TRPM8: variants seen among roughly 807,000 people sequenced by gnomAD.
TRPM8 encodes the protein TRPM8 cationic channel.
Under a neutral mutation model 133.7 loss-of-function variants are expected in TRPM8, and 110 were observed. The observed-to-expected ratio is 0.82, with a 90% CI of 0.70 to 0.96. The LOEUF is 0.96. Ranked by LOEUF, TRPM8 falls within the 40% of genes least tolerant of loss-of-function variation. The pLI, the probability that TRPM8 is intolerant of heterozygous loss-of-function variation, is 0.00. For missense variants in TRPM8, 1,291 were observed against 1,379.5 expected (o/e 0.94, Z 1.02); for synonymous variants, 535 against 532.3 (o/e 1.01, Z -0.07).
At chr2:234,007,975 T>C (rs777860930) in intron 23 of TRPM8, 95 bp from the exon 24 acceptor site, 173 of 1,180,008 alleles carry the variant, frequency 1.5e-4, no homozygotes, top group Non-Finnish European at 2.0e-4. Context: ...TTGTATTCTG[T>C]ACTTTAATTT....
intron 6 of TRPM8, among the ~76,000 whole-genome samples, chr2:233,945,346 A>G (rs1446478679): frequency 2.0e-5 from 3 of 152,094 alleles, no homozygotes; most frequent in South Asian, 2.1e-4. Context: ...TCCTGTTGCT[A>G]TGCGCTTCTC....
Position 234,018,879 on chromosome 2 carries a change from A to AATAAATAAAT in TRPM8, c.*1626_*1627insAATAAATATA, listed in dbSNP as rs1455395226. ...AAATAAATAAATAAATAAATAAATA[A>AATAAATAAAT]ATATTATGGATGGTGAAGGGAATGG... On this transcript the variant is annotated 3_prime_UTR_variant, in exon 26 of 26. Coordinates refer to ENST00000324695, the MANE Select transcript of TRPM8 (RefSeq NM_024080.5). 2 of 149,934 alleles carry AATAAATAAAT rather than the reference A, an allele frequency of 1.3e-5. No homozygotes were observed. Among genetic ancestry groups the AATAAATAAAT allele is most frequent in the African/African-American group, 4.9e-5 (2 of 40,620 alleles). 9.3% of individuals were successfully genotyped at this position (149,934 alleles called of 1,614,324 possible).
chr2:233,927,349 C>T lies in TRPM8; in HGVS notation c.117+695C>T, dbSNP rs76121169. The stretch of plus-strand genomic sequence containing the variant: ...GATCTATCATTGAGCTGTAAGAACA[C>T]GCACACACAAACAAATACGCAAAAA... On this transcript the variant is annotated intron_variant, in intron 2 of 25. Coordinates refer to ENST00000324695, the MANE Select transcript of TRPM8 (RefSeq NM_024080.5). Among the ~76,000 whole-genome samples, 1,185 of 152,302 alleles carry T rather than the reference C, an allele frequency of 7.8e-3. 16 individuals carry two copies. Among genetic ancestry groups the T allele is most frequent in the African/African-American group, 0.027 (1,122 of 41,554 alleles).
At chr2:233,953,115 A>C (rs1271507189) in intron 9 of TRPM8, among the ~76,000 whole-genome samples, 1 of 152,156 alleles carries the variant, frequency 6.6e-6, no homozygotes, top group East Asian at 1.9e-4. Flanking sequence ...TAAGACCTCC[A>C]TCACCACCTT....
At chr2:233,937,668 A>G (rs1188372316) in intron 4 of TRPM8, among the ~76,000 whole-genome samples, 159 bp downstream of exon 4, 2 of 152,200 alleles carry the variant, frequency 1.3e-5, no homozygotes, top group Non-Finnish European at 2.9e-5. Flanking sequence ...AAAAGCCAAA[A>G]AGCAGTTATT....
chr2:233,987,780 C>A (rs28901879), intron 21 of TRPM8, among the ~76,000 whole-genome samples: 2,458 of 152,248 alleles, frequency 0.016, 66 homozygotes, highest in African/African-American at 0.054. Flanking sequence ...GGAGCGGTTT[C>A]CCCCATACTG....
rs551657474 is a variant in TRPM8 at position 234,012,281 on chromosome 2, G to A, written c.3265-2281G>A. On this transcript the variant is annotated intron_variant, in intron 24 of 25. Transcript: ENST00000324695. ...TCCTGCTTCAGCCTCCTGAGTAGCT[G>A]GGATTACAGGCGTGCACCACCATGC... Among the ~76,000 whole-genome samples, 9 of 152,004 alleles carry A rather than the reference G, an allele frequency of 5.9e-5. No individual in the cohort carries two copies. In the South Asian group the frequency reaches 1.9e-3, roughly 32 times the overall value.
intron 15 of TRPM8, among the ~76,000 whole-genome samples, 178 bp from the exon 16 acceptor site, chr2:233,969,517 A>AT (rs1469263739): frequency 1.3e-5 from 2 of 148,504 alleles, no homozygotes; most frequent in African/African-American, 5.1e-5. Flanking sequence ...CAAGTTTTAA[A>AT]TTGTTTTTTT....
At chr2:233,949,041 CAAAG>C (rs1405832682) in intron 8 of TRPM8, among the ~76,000 whole-genome samples, 2 of 152,020 alleles carry the variant, frequency 1.3e-5, no homozygotes, top group Non-Finnish European at 2.9e-5. Context: ...CTCAAAAAAA[CAAAG>C]AAAGAAAAAG....
At chr2:233,987,889 T>A (rs1340827662) in intron 21 of TRPM8, among the ~76,000 whole-genome samples, 1 of 152,144 alleles carries the variant, frequency 6.6e-6, no homozygotes, top group Non-Finnish European at 1.5e-5. Flanking sequence ...GCCATCCACG[T>A]AAGACGTGAC....
At chr2:233,944,669 T>A (rs1192010253) in intron 6 of TRPM8, among the ~76,000 whole-genome samples, 4 of 152,174 alleles carry the variant, frequency 2.6e-5, no homozygotes, top group African/African-American at 9.6e-5. Flanking sequence ...AATAAAAACA[T>A]TACATATTAA....
intron 1 of TRPM8, among the ~76,000 whole-genome samples, chr2:233,919,512 C>A (rs182904921): frequency 2.6e-5 from 4 of 152,162 alleles, no homozygotes; most frequent in Non-Finnish European, 4.4e-5. Flanking sequence ...AGCTGTGTGA[C>A]TTTGGGAAAG....
chr2:233,937,365 C>T lies in TRPM8; in HGVS notation c.204C>T (p.Cys68=), dbSNP rs1280225597. The part of the protein sequence containing the change: ...TKDSKATENV[C]KCGYAQSQHM... ...TCGTGCTTATCAGGGAGAATGTGTG[C>T]AAGTGTGGCTATGCCCAGAGCCAGC... Residue 68 remains cysteine, a synonymous_variant, in exon 4 of 26, where the codon TGC becomes TGT. Transcript: ENST00000324695. 6.2e-7 allele frequency: 1 copy of T among 1,614,140 alleles called. No individual in the cohort carries two copies. Among genetic ancestry groups the T allele is most frequent in the Non-Finnish European group, 8.5e-7 (1 of 1,180,022 alleles).
intron 17 of TRPM8, among the ~76,000 whole-genome samples, chr2:233,975,031 G>A (rs553937058): frequency 2.6e-5 from 4 of 152,264 alleles, no homozygotes; most frequent in African/African-American, 9.6e-5. Context: ...GAGGATGGGC[G>A]TCTGGCATGG....
chr2:233,951,628 C>T (rs552249958), intron 9 of TRPM8, among the ~76,000 whole-genome samples: 1 of 152,290 alleles, frequency 6.6e-6, no homozygotes, highest in East Asian at 1.9e-4. Context: ...AAGGCACATT[C>T]TACCTTCTTT....
chr2:233,965,176 C>T (rs1222613400), intron 14 of TRPM8, among the ~76,000 whole-genome samples: 1 of 152,136 alleles, frequency 6.6e-6, no homozygotes, highest in South Asian at 2.1e-4. Flanking sequence ...AGGACCCAGC[C>T]CCTGGGCCTG....
intron 3 of TRPM8, among the ~76,000 whole-genome samples, chr2:233,936,746 T>C (rs192250146): frequency 6.6e-6 from 1 of 152,332 alleles, no homozygotes; most frequent in African/African-American, 2.4e-5. Flanking sequence ...TTTCTGAAAC[T>C]CAGTCTCATA....
intron 7 of TRPM8, 142 bp from the exon 8 acceptor site, chr2:233,946,946 A>C (rs1691058402): frequency 1.5e-6 from 1 of 678,834 alleles, no homozygotes. Flanking sequence ...TAATGAGTGG[A>C]TAATGTTCAA....
At chr2:234,007,668 A>G (rs992728059) in intron 23 of TRPM8, among the ~76,000 whole-genome samples, 2 of 152,220 alleles carry the variant, frequency 1.3e-5, no homozygotes, top group Admixed American at 6.5e-5. Context: ...AGTATATATA[A>G]GCACAACTAA....
Sources: allele counts gnomAD v4.1 joint callset (sites outside exome capture counted in the v4.1 genomes callset), GRCh38; gene constraint gnomAD v4.1.1; transcripts MANE v1.5; gene names NCBI Gene and HGNC (gene_info 2026-07-23, HGNC 2026-07-21).